ZFHX4: variants seen among roughly 807,000 people sequenced by gnomAD.
ZFHX4 encodes the protein zinc finger homeobox protein 4.
In ZFHX4, 56 loss-of-function variants were observed where a neutral mutation model predicts 267.6. The ratio of observed to expected loss-of-function variants is 0.21; its 90% CI spans 0.17 to 0.26. The LOEUF is 0.26. Among genes scored for constraint, ZFHX4 ranks in the 10% least tolerant of loss-of-function variants. The pLI, the probability that ZFHX4 is intolerant of heterozygous loss-of-function variation, is 1.00. For missense variants in ZFHX4, 4,332 were observed against 4,420.0 expected (o/e 0.98, Z 0.56); for synonymous variants, 1,778 against 1,665.6 (o/e 1.07, Z -1.64).
At chr8:76,806,434 T>C (rs565622512) in intron 4 of ZFHX4, among the ~76,000 whole-genome samples, 36 of 152,196 alleles carry the variant, frequency 2.4e-4, no homozygotes, top group African/African-American at 8.4e-4. Flanking sequence ...TTTTTGGTTA[T>C]AGGTAAAATG....
chr8:76,719,326 A>T (rs927848362), intron 3 of ZFHX4, among the ~76,000 whole-genome samples: 2 of 152,020 alleles, frequency 1.3e-5, no homozygotes, highest in African/African-American at 4.8e-5. Context: ...TGCACAATGT[A>T]AGGGTTCTCA....
chr8:76,763,231 CGTCTG>C (rs1809963582), intron 3 of ZFHX4, among the ~76,000 whole-genome samples: 1 of 134,332 alleles, frequency 7.4e-6, no homozygotes, highest in African/African-American at 3.5e-5. Flanking sequence ...GGGCTGTTCC[CGTCTG>C]ATAGCTCCAG....
chr8:76,817,893 G>T (rs1811547443), intron 4 of ZFHX4, among the ~76,000 whole-genome samples: 1 of 152,166 alleles, frequency 6.6e-6, no homozygotes, highest in Non-Finnish European at 1.5e-5. Context: ...TTTAGTATCT[G>T]GAAGATTCTT....
chr8:76,687,958 C>T (rs376143956), intron 1 of ZFHX4, among the ~76,000 whole-genome samples: 31 of 152,060 alleles, frequency 2.0e-4, no homozygotes, highest in South Asian at 1.0e-3. Flanking sequence ...GTCTATGCTC[C>T]GCTCTCTCTA....
Position 76,850,327 on chromosome 8 carries a change from C to T in ZFHX4, c.3929C>T (p.Ala1310Val), listed in dbSNP as rs1313674207. The T allele has an allele frequency of 1.2e-6, 2 of 1,612,778 alleles. No individual in the cohort carries two copies. The highest frequency in any genetic ancestry group is 1.7e-6 in the Non-Finnish European group (2 of 1,179,540). Residue 1310 changes from alanine (A) to valine (V), a missense_variant, in exon 9 of 11, where the codon GCA (alanine) becomes GTA (valine). By Grantham distance (64) the Ala-to-Val change is moderately conservative. This residue lies in a region of ZFHX4 where 1,371 missense variants were observed against 1,423.1 expected (regional missense o/e 0.96). Transcript: ENST00000651372. ...GAGAAATCAGAGCGGGACACACCTG[C>T]AGCCGTGACAGCTGAGGGGTCTGGG... ...ASEKSERDTP[A>V]AVTAEGSGKY...
chr8:76,842,704 C>A lies in ZFHX4; in HGVS notation c.3444C>A (p.Ala1148=). 2 of 1,554,296 alleles carry A rather than the reference C, an allele frequency of 1.3e-6. No individual in the cohort carries two copies. The highest frequency in any genetic ancestry group is 1.4e-5 in the African/African-American group (1 of 73,122). Residue 1148 remains alanine, a synonymous_variant, in exon 6 of 11, where the codon GCC becomes GCA. Coordinates refer to ENST00000651372, the MANE Select transcript of ZFHX4 (RefSeq NM_024721.5). ...GAGCTATTAAGCCTACAGCAGTGGC[C>A]GAGGACGATGAAAAAGACACAAGTG... The part of the protein sequence containing the change: ...AEGAIKPTAV[A]EDDEKDTSER...
intron 4 of ZFHX4, among the ~76,000 whole-genome samples, chr8:76,794,644 T>A (rs1488873554): frequency 6.6e-6 from 1 of 152,190 alleles, no homozygotes; most frequent in Non-Finnish European, 1.5e-5. Context: ...TAGTTTTCTC[T>A]CTTTAGCCTC....
intron 4 of ZFHX4, among the ~76,000 whole-genome samples, chr8:76,809,494 A>G (rs1811323434): frequency 6.6e-6 from 1 of 152,212 alleles, no homozygotes; most frequent in Admixed American, 6.5e-5. Flanking sequence ...TGATTAACCT[A>G]ATAAAGTAAA....
At chr8:76,771,025 G>C (rs1318711830) in intron 3 of ZFHX4, among the ~76,000 whole-genome samples, 1 of 152,154 alleles carries the variant, frequency 6.6e-6, no homozygotes, top group Non-Finnish European at 1.5e-5. Flanking sequence ...TGTTAAACTG[G>C]AAGTGTGCTG....
At position 76,681,927 on chromosome 8, in the gene ZFHX4, G is replaced by A. The variant is rs140764811; in HGVS notation, c.-47+307G>A. On this transcript the variant is annotated intron_variant, in intron 1 of 10. Coordinates refer to ENST00000651372, the MANE Select transcript of ZFHX4 (RefSeq NM_024721.5). ...GACCTGATTTTCCACTTTCTTTAGG[G>A]GGGCTGCGTTTTTCCGGATTTAACT... is the stretch of plus-strand genomic sequence containing the variant. 8.9e-4 allele frequency among the ~76,000 whole-genome samples: 135 copies of A among 152,284 alleles called. 1 individual carries two copies. Among genetic ancestry groups the A allele is most frequent in the Admixed American group, 7.0e-3 (107 of 15,296 alleles).
intron 3 of ZFHX4, among the ~76,000 whole-genome samples, chr8:76,760,592 T>C (rs545151796): frequency 4.6e-4 from 70 of 152,050 alleles, no homozygotes; most frequent in Middle Eastern, 6.8e-3. Context: ...TCTGAGGAGA[T>C]AGGGAAAGCT....
At chr8:76,718,561 A>G (rs1359545882) in intron 3 of ZFHX4, among the ~76,000 whole-genome samples, 1 of 152,212 alleles carries the variant, frequency 6.6e-6, no homozygotes, top group Non-Finnish European at 1.5e-5. Flanking sequence ...CCTTAAAAAT[A>G]GGTGCAAGGG....
chr8:76,767,068 T>C (rs1379968490), intron 3 of ZFHX4, among the ~76,000 whole-genome samples: 1 of 151,986 alleles, frequency 6.6e-6, no homozygotes, highest in Non-Finnish European at 1.5e-5. Context: ...TGTGTGTGTG[T>C]GTGTGTATGT....
intron 4 of ZFHX4, among the ~76,000 whole-genome samples, chr8:76,807,230 G>A (rs1223753128): frequency 6.6e-6 from 1 of 151,884 alleles, no homozygotes; most frequent in Non-Finnish European, 1.5e-5. Flanking sequence ...TTTCTGACAA[G>A]TTTAGAGCAA....
At chr8:76,782,864 T>C (rs565068386) in intron 4 of ZFHX4, among the ~76,000 whole-genome samples, 19 of 152,160 alleles carry the variant, frequency 1.2e-4, no homozygotes, top group African/African-American at 4.3e-4. Flanking sequence ...TCTTTAACTT[T>C]TTAAGGGACT....
At chr8:76,703,141 T>A (rs990840882) in intron 1 of ZFHX4, among the ~76,000 whole-genome samples, 3 of 152,036 alleles carry the variant, frequency 2.0e-5, no homozygotes, top group South Asian at 4.2e-4. Context: ...AAAAAAACTT[T>A]AAAAAAAATG....
intron 5 of ZFHX4, chr8:76,834,248 G>T: frequency 6.2e-6 from 2 of 322,716 alleles, no homozygotes; most frequent in South Asian, 5.4e-5. Context: ...TTTGATAAAT[G>T]CCAAGGAGTA....
rs1461151308 is a variant in ZFHX4, at chr8:76,681,474, C to A, written c.-193C>A. 2.5e-6 allele frequency: 1 copy of A among 398,430 alleles called. No individual in the cohort carries two copies. Among genetic ancestry groups the A allele is most frequent in the African/African-American group, 2.1e-5 (1 of 48,444 alleles). The allele number at this position is 398,430 out of a possible 1,614,324, so 24.7% of individuals were successfully genotyped here. ...TTCTGCTCCAGCGTTTTTATTTTCA[C>A]CCAATAAAGTTCGAGGATTATTTTT... On this transcript the variant is annotated 5_prime_UTR_variant, in exon 1 of 11. Transcript: ENST00000651372.
chr8:76,782,124 T>G (rs996774456), intron 4 of ZFHX4: 2 of 272,288 alleles, frequency 7.3e-6, no homozygotes, highest in East Asian at 1.3e-4. Context: ...TTTTTTTTTT[T>G]GCCTATTGTT....
Sources: allele counts gnomAD v4.1 joint callset (sites outside exome capture counted in the v4.1 genomes callset), GRCh38; gene constraint gnomAD v4.1.1; regional missense constraint gnomAD v4.1.1; transcripts MANE v1.5; gene names NCBI Gene and HGNC (gene_info 2026-07-23, HGNC 2026-07-21).